Variants in CFAP58 observed in about 807,000 individuals in gnomAD.
CFAP58 encodes the protein cilia- and flagella-associated protein 58.
CFAP58 carries 88 observed loss-of-function variants against 119.5 expected under a neutral mutation model. That is an observed-to-expected ratio of 0.74 (90% CI 0.62 to 0.88). CFAP58 has a LOEUF of 0.88. Ranked by LOEUF, CFAP58 falls within the 40% of genes least tolerant of loss-of-function variation. CFAP58 has a pLI of 0.00. For synonymous variants in CFAP58, 365 were observed against 366.3 expected (o/e 1.00, Z 0.04); for missense variants, 990 against 1,021.2 (o/e 0.97, Z 0.42).
rs149958833 is a variant in CFAP58, at chr10:104,410,240, G to A, written c.2256+3447G>A. ...TACAAACAGTGTAAGGATTTGGAAT[G>A]CTTTAACTGCAGCTACCCTGCTGTT... On this transcript the variant is annotated intron_variant, in intron 15 of 17. Coordinates refer to ENST00000369704, the MANE Select transcript of CFAP58 (RefSeq NM_001008723.2). Among the ~76,000 whole-genome samples, 46 of 152,310 alleles carry A rather than the reference G, an allele frequency of 3.0e-4. No homozygotes were observed. In the East Asian group the frequency reaches 8.5e-3, roughly 28 times the overall value.
At chr10:104,449,425 T>C (rs1399718383) in intron 16 of CFAP58, among the ~76,000 whole-genome samples, 1 of 152,196 alleles carries the variant, frequency 6.6e-6, no homozygotes, top group Non-Finnish European at 1.5e-5. Context: ...GCATGCGCTA[T>C]GTCCTATGCA....
At chr10:104,384,885 A>G (rs938105468) in intron 9 of CFAP58, among the ~76,000 whole-genome samples, 5 of 152,174 alleles carry the variant, frequency 3.3e-5, no homozygotes, top group African/African-American at 7.2e-5. Context: ...TAGGGAGTAG[A>G]TAGGGAAGAA....
rs1464951147 is a variant in CFAP58 at position 104,365,882 on chromosome 10, G to A, written c.666G>A (p.Glu222=). The change falls in exon 5 of 18, where the codon GAG becomes GAA. Residue 222 remains glutamate (E), a synonymous_variant. Coordinates refer to ENST00000369704, the MANE Select transcript of CFAP58 (RefSeq NM_001008723.2). ...SREFRKKEKL[E]KELKQIQADM... ...AGTTCCGGAAGAAGGAAAAACTAGAGAAAGAGCTCAAGCAGATTCAGGCAG... is the reference window on the plus strand; with the variant it reads ...AGTTCCGGAAGAAGGAAAAACTAGAAAAAGAGCTCAAGCAGATTCAGGCAG... 2 of 1,613,382 alleles carry A rather than the reference G, an allele frequency of 1.2e-6. No homozygotes were observed. The highest frequency in any genetic ancestry group is 2.7e-5 in the African/African-American group (2 of 74,786).
chr10:104,376,204 T>C (rs2011658758), intron 7 of CFAP58, among the ~76,000 whole-genome samples: 1 of 151,966 alleles, frequency 6.6e-6, no homozygotes, highest in South Asian at 2.1e-4. Flanking sequence ...AAGTAAGTCA[T>C]GATATACAGC....
chr10:104,404,622 T>C (rs1156568797), intron 14 of CFAP58, among the ~76,000 whole-genome samples: 1 of 152,170 alleles, frequency 6.6e-6, no homozygotes, highest in Non-Finnish European at 1.5e-5. Flanking sequence ...TTTTTCTTTT[T>C]TTTTTGAGAT....
chr10:104,412,482 C>T (rs935838623), intron 15 of CFAP58, among the ~76,000 whole-genome samples: 4 of 152,090 alleles, frequency 2.6e-5, no homozygotes, highest in Non-Finnish European at 5.9e-5. Context: ...TTGTATAACC[C>T]CAGACAACAA....
At chr10:104,450,794 C>G (rs1200332155) in intron 17 of CFAP58, among the ~76,000 whole-genome samples, 2 of 151,830 alleles carry the variant, frequency 1.3e-5, no homozygotes, top group East Asian at 3.9e-4. Context: ...GTCCTCCTGC[C>G]TCAGCCTCCC....
chr10:104,364,855 G>C lies in CFAP58; in HGVS notation c.563G>C (p.Arg188Pro), dbSNP rs746292556. The C allele has an allele frequency of 6.2e-7, 1 of 1,611,316 alleles. No homozygotes were observed. Among genetic ancestry groups the C allele is most frequent in the South Asian group, 1.1e-5 (1 of 90,858 alleles). ...ACTGAACAGCAGCAGGAAACAGAGCGATCAAAAGAGGAGGCTGAACATGCC... is the reference window on the plus strand; with the variant it reads ...ACTGAACAGCAGCAGGAAACAGAGCCATCAAAAGAGGAGGCTGAACATGCC... Reference protein sequence around the residue: ...QTTEQQQETERSKEEAEHAIS... With the variant: ...QTTEQQQETEPSKEEAEHAIS... The change falls in exon 4 of 18, where the codon CGA becomes CCA. Residue 188 changes from arginine to proline, a missense_variant. Arg to Pro is a moderately radical substitution (Grantham distance 103). Coordinates refer to ENST00000369704, the MANE Select transcript of CFAP58 (RefSeq NM_001008723.2).
chr10:104,382,575 T>G (rs2011835877), intron 9 of CFAP58, among the ~76,000 whole-genome samples: 1 of 152,168 alleles, frequency 6.6e-6, no homozygotes, highest in African/African-American at 2.4e-5. Context: ...ACGGTTTAGC[T>G]CTATGTCTCC....
intron 14 of CFAP58, 76 bp from the exon 15 acceptor site, chr10:104,406,613 T>G (rs749086537): frequency 2.7e-6 from 3 of 1,126,750 alleles, no homozygotes; most frequent in Admixed American, 1.9e-5. Flanking sequence ...AATAAGACAA[T>G]GTGCATTTTA....
Position 104,399,383 on chromosome 10 carries a change from A to G in CFAP58, c.1698A>G (p.Gln566=), listed in dbSNP as rs138464964. The change falls in exon 12 of 18, where the codon CAA becomes CAG. Residue 566 remains glutamine, a synonymous_variant. Coordinates refer to ENST00000369704, the MANE Select transcript of CFAP58 (RefSeq NM_001008723.2). The part of the protein sequence containing the change: ...TLKAELQKLR[Q]QALETKHFIE... ...AGGCTGAGCTGCAGAAGCTGAGACAACAAGCCCTGGAGACAAAACACTTTA... is the reference window on the plus strand; with the variant it reads ...AGGCTGAGCTGCAGAAGCTGAGACAGCAAGCCCTGGAGACAAAACACTTTA... The G allele has an allele frequency of 2.7e-5, 44 of 1,613,896 alleles. No individual in the cohort carries two copies. In the African/African-American group the frequency reaches 5.5e-4, roughly 20 times the overall value.
At chr10:104,451,892 C>A (rs923614834) in intron 17 of CFAP58, among the ~76,000 whole-genome samples, 1 of 140,542 alleles carries the variant, frequency 7.1e-6, no homozygotes, top group East Asian at 2.1e-4. Context: ...ACATGCCCAG[C>A]TAATTTTTTT....
chr10:104,370,852 T>C (rs1163516901), intron 6 of CFAP58, 43 bp from the exon 7 acceptor site: 3 of 1,563,974 alleles, frequency 1.9e-6, no homozygotes, highest in Non-Finnish European at 2.6e-6. Flanking sequence ...TCCTGGCTCT[T>C]CATTTACAAA....
the CFAP58 span, among the ~76,000 whole-genome samples, chr10:104,340,539 C>G: frequency 2.0e-5 from 3 of 152,312 alleles, no homozygotes; most frequent in East Asian, 3.9e-4. Context: ...CTACAGAACA[C>G]TGTGCTAACT....
Position 104,447,559 on chromosome 10 carries a change from A to T in CFAP58, c.2257-139A>T, listed in dbSNP as rs533744782. ...ATTGTTTCAATGCATGACTGAATGA[A>T]TCTGTGAGTGAATGTGATCACTGTG... On this transcript the variant is annotated intron_variant, in intron 15 of 17. Coordinates refer to ENST00000369704, the MANE Select transcript of CFAP58 (RefSeq NM_001008723.2). 9.1e-4 allele frequency: 926 copies of T among 1,019,494 alleles called. 22 individuals carry two copies. The South Asian group carries it at 0.014, about 15-fold the overall frequency. 63.2% of individuals were successfully genotyped at this position (1,019,494 alleles called of 1,614,324 possible).
chr10:104,340,564 T>A, the CFAP58 span, among the ~76,000 whole-genome samples: 2 of 152,158 alleles, frequency 1.3e-5, no homozygotes, highest in African/African-American at 4.8e-5. Flanking sequence ...AAATGTTTTT[T>A]AAAAGATAGG....
intron 8 of CFAP58, among the ~76,000 whole-genome samples, chr10:104,377,385 T>C (rs1357289033): frequency 6.6e-6 from 1 of 152,238 alleles, no homozygotes; most frequent in African/African-American, 2.4e-5. Flanking sequence ...TTATCTTGTC[T>C]GACCTTCCAG....
At chr10:104,443,602 T>A (rs1376570926) in intron 15 of CFAP58, among the ~76,000 whole-genome samples, 1 of 152,240 alleles carries the variant, frequency 6.6e-6, no homozygotes, top group African/African-American at 2.4e-5. Flanking sequence ...GTATGCGAGC[T>A]GAGGAAGAAG....
chr10:104,349,331 C>A (rs2014433643), upstream of CFAP58, among the ~76,000 whole-genome samples: 1 of 151,846 alleles, frequency 6.6e-6, no homozygotes. Context: ...GGTTAGAAGT[C>A]CAAGATCAAA....
Sources: gnomAD v4.1 joint callset for allele counts (sites outside exome capture counted in the v4.1 genomes callset) on GRCh38, gnomAD v4.1.1 for gene constraint, MANE v1.5 for transcripts, NCBI Gene and HGNC (gene_info 2026-07-23, HGNC 2026-07-21) for gene names.